Variants in ARHGAP39 observed in about 807,000 individuals in gnomAD.
ARHGAP39 encodes Rho GTPase activating protein 39, also known as rho GTPase-activating protein 39.
In ARHGAP39, 44 loss-of-function variants were observed where a neutral mutation model predicts 106.9. That is an observed-to-expected ratio of 0.41 (90% confidence interval 0.32 to 0.53). ARHGAP39 has a LOEUF of 0.53. ARHGAP39 is among the 20% of genes least tolerant of loss of function. The probability of loss-of-function intolerance (pLI) is 0.21; values close to 1 mark genes in which losing one functional copy is unlikely to be tolerated. For missense variants in ARHGAP39, 1,496 were observed against 1,577.3 expected (o/e 0.95, Z 0.87); for synonymous variants, 768 against 693.2 (o/e 1.11, Z -1.69).
At chr8:144,693,660 A>C in the ARHGAP39 span, among the ~76,000 whole-genome samples, 2 of 152,234 alleles carry the variant, frequency 1.3e-5, no homozygotes, top group Non-Finnish European at 2.9e-5. Context: ...GGCGTGAGCC[A>C]CCGCGCCCAG....
chr8:144,583,192 G>A (rs1361295202), intron 2 of ARHGAP39, among the ~76,000 whole-genome samples: 3 of 151,978 alleles, frequency 2.0e-5, no homozygotes, highest in Non-Finnish European at 2.9e-5. Flanking sequence ...CGCTCCTGAC[G>A]AACAAATCTA....
Position 144,583,422 on chromosome 8 carries a change from G to A in ARHGAP39, c.81-2145C>T, listed in dbSNP as rs1353402943. Among the ~76,000 whole-genome samples, 14 of 152,290 alleles carry A rather than the reference G, an allele frequency of 9.2e-5. No homozygotes were observed. In the East Asian group the frequency reaches 2.7e-3, roughly 29 times the overall value. On this transcript the variant is annotated intron_variant, in intron 2 of 11. Coordinates refer to ENST00000377307, the MANE Select transcript of ARHGAP39 (RefSeq NM_025251.3). ...TGAGCAGCTCAGGAGACAACTGCTC[G>A]GCACGTGGAGGCACAGACGGGGTCT...
At chr8:144,680,994 C>G (rs1357690798) in intron 1 of ARHGAP39, among the ~76,000 whole-genome samples, 6 of 152,160 alleles carry the variant, frequency 3.9e-5, no homozygotes, top group Admixed American at 6.5e-5. Flanking sequence ...AAGACTACCC[C>G]TGCAAAATCC....
At chr8:144,581,346 A>G in intron 2 of ARHGAP39, 69 bp from the exon 3 acceptor site, 2 of 1,436,678 alleles carry the variant, frequency 1.4e-6, no homozygotes, top group Non-Finnish European at 1.9e-6. Flanking sequence ...ACCCCTGCAG[A>G]CCCCGGCTCC....
rs576146633 is a variant in ARHGAP39, at chr8:144,543,461, G to A, written c.2521+1788C>T. On this transcript the variant is annotated intron_variant, in intron 6 of 11. Coordinates refer to ENST00000377307, the MANE Select transcript of ARHGAP39 (RefSeq NM_025251.3). ...GACGAACCTAGGAGTGGATCCTGGG[G>A]CTGGAGATGAGGTTCTGGCTGTGAG... 6.6e-5 allele frequency among the ~76,000 whole-genome samples: 10 copies of A among 152,330 alleles called. No individual in the cohort carries two copies. In the East Asian group the frequency reaches 1.7e-3, roughly 26 times the overall value.
At chr8:144,672,890 G>A (rs1464389841) in intron 1 of ARHGAP39, among the ~76,000 whole-genome samples, 1 of 152,166 alleles carries the variant, frequency 6.6e-6, no homozygotes, top group East Asian at 1.9e-4. Context: ...TCTGCACGGA[G>A]ACCAGTGTAG....
intron 1 of ARHGAP39, among the ~76,000 whole-genome samples, chr8:144,669,011 C>T (rs141560802): frequency 6.6e-6 from 1 of 151,966 alleles, no homozygotes; most frequent in African/African-American, 2.4e-5. Context: ...AATAAACCCT[C>T]AAATTTATGA....
Position 144,533,019 on chromosome 8 carries a change from G to A in ARHGAP39, c.2888+107C>T, listed in dbSNP as rs547325986. The A allele has an allele frequency of 9.2e-4, 1,255 of 1,361,726 alleles. 6 individuals are homozygous for A. The African/African-American group carries it at 0.014, about 15-fold the overall frequency. 84.4% of individuals were successfully genotyped at this position (1,361,726 alleles called of 1,614,324 possible). A position where few individuals can be genotyped will look rare whatever the true frequency, so the allele number is the denominator to read the frequency against. On this transcript the variant is annotated intron_variant, in intron 9 of 11. Coordinates refer to ENST00000377307, the MANE Select transcript of ARHGAP39 (RefSeq NM_025251.3). ...TCCATCTGCTCTCAGGTATGGGTGC[G>A]GAAGCAGCCCAGTGGGCCTGAGGCT...
chr8:144,600,960 C>T lies in ARHGAP39; in HGVS notation c.80+4575G>A, dbSNP rs1304741098. ...TGGAGGCATGTGTGTGCTCGTATAC[C>T]TGTGTGCATGTGCGTGGAGGTGTGT... On this transcript the variant is annotated intron_variant, in intron 2 of 11. Coordinates refer to ENST00000377307, the MANE Select transcript of ARHGAP39 (RefSeq NM_025251.3). Among the ~76,000 whole-genome samples the T allele has an allele frequency of 5.9e-5, 8 of 136,740 alleles. No individual in the cohort carries two copies. The South Asian group carries it at 1.9e-3, about 32-fold the overall frequency. The allele number at this position is 136,740 out of a possible 152,430, so 89.7% of individuals were successfully genotyped here. A position where few individuals can be genotyped will look rare whatever the true frequency, so the allele number is the denominator to read the frequency against.
intron 1 of ARHGAP39, among the ~76,000 whole-genome samples, chr8:144,634,997 C>T (rs1821140660): frequency 1.3e-5 from 2 of 152,294 alleles, no homozygotes; most frequent in South Asian, 4.1e-4. Context: ...CACACATTCA[C>T]TTCTCAGGGA....
At chr8:144,616,258 C>T (rs1037604206) in intron 1 of ARHGAP39, among the ~76,000 whole-genome samples, 2 of 152,242 alleles carry the variant, frequency 1.3e-5, no homozygotes, top group African/African-American at 4.8e-5. Flanking sequence ...ACAGCCCCTT[C>T]CTGGATCCTC....
chr8:144,558,784 A>G (rs928359685), intron 3 of ARHGAP39, among the ~76,000 whole-genome samples: 2 of 152,190 alleles, frequency 1.3e-5, no homozygotes, highest in African/African-American at 4.8e-5. Context: ...ATAAAGCTAC[A>G]TAATTAGGCT....
chr8:144,601,626 G>A (rs1193059410), intron 2 of ARHGAP39, among the ~76,000 whole-genome samples: 2 of 140,984 alleles, frequency 1.4e-5, no homozygotes. Flanking sequence ...GTGCATGGAG[G>A]CGTGCATGTG....
intron 1 of ARHGAP39, among the ~76,000 whole-genome samples, chr8:144,664,308 C>A (rs1414499953): frequency 1.3e-5 from 2 of 152,260 alleles, no homozygotes; most frequent in Non-Finnish European, 2.9e-5. Flanking sequence ...CCTCCCTCCA[C>A]ATGGCAGCCA....
intron 3 of ARHGAP39, among the ~76,000 whole-genome samples, chr8:144,561,170 T>C (rs796514860): frequency 8.5e-5 from 13 of 152,310 alleles, no homozygotes; most frequent in African/African-American, 2.6e-4. Flanking sequence ...CCCAGTGGTT[T>C]CCATCGCACC....
intron 7 of ARHGAP39, among the ~76,000 whole-genome samples, chr8:144,534,999 G>A (rs1289904332): frequency 6.6e-6 from 1 of 152,216 alleles, no homozygotes; most frequent in South Asian, 2.1e-4. Flanking sequence ...GCAGATGAGA[G>A]AACACGCCAA....
At chr8:144,554,989 C>T (rs1817862667) in intron 4 of ARHGAP39, among the ~76,000 whole-genome samples, 1 of 152,044 alleles carries the variant, frequency 6.6e-6, no homozygotes, top group Admixed American at 6.5e-5. Context: ...CCCTGCATCT[C>T]CCACAGCAAA....
chr8:144,530,342 C>G lies in ARHGAP39; in HGVS notation c.*80G>C. On this transcript the variant is annotated 3_prime_UTR_variant, in exon 12 of 12. Transcript: ENST00000377307. ...CCAGGGCTGGGCCGGGCGATTCTGG[C>G]CCCTCTGCCGGGAGAGCGAGTGCGG... 2.8e-6 allele frequency: 4 copies of G among 1,451,438 alleles called. No homozygotes were observed. Among genetic ancestry groups the G allele is most frequent in the Non-Finnish European group, 3.7e-6 (4 of 1,075,706 alleles). 89.9% of individuals were successfully genotyped at this position (1,451,438 alleles called of 1,614,324 possible).
chr8:144,627,909 A>G (rs1038925452), intron 1 of ARHGAP39, among the ~76,000 whole-genome samples: 29 of 152,200 alleles, frequency 1.9e-4, no homozygotes, highest in African/African-American at 6.8e-4. Flanking sequence ...CTCTGGAGTC[A>G]GCAGCATGGG....
Sources: allele counts gnomAD v4.1 joint callset (sites outside exome capture counted in the v4.1 genomes callset), GRCh38; gene constraint gnomAD v4.1.1; transcripts MANE v1.5; gene names NCBI Gene and HGNC (gene_info 2026-07-23, HGNC 2026-07-21).